The following NFYC variants were observed in gnomAD, a reference collection of about 807,000 sequenced individuals.
NFYC encodes the protein nuclear transcription factor Y subunit gamma, also known as CAAT box DNA-binding protein subunit C.
NFYC carries 25 observed loss-of-function variants against 53.1 expected under a neutral mutation model. That is an observed-to-expected ratio of 0.47 (90% CI 0.34 to 0.66). The LOEUF (loss-of-function observed/expected upper bound fraction) is 0.66, where lower values mean the gene tolerates loss of function less well. Ranked by LOEUF, NFYC falls within the 30% of genes least tolerant of loss-of-function variation. The probability of loss-of-function intolerance (pLI) is 0.01; values close to 1 mark genes in which losing one functional copy is unlikely to be tolerated. For synonymous variants in NFYC, 145 were observed against 152.6 expected (o/e 0.95, Z 0.37); for missense variants, 260 against 422.7 (o/e 0.62, Z 3.38).
intron 5 of NFYC, among the ~76,000 whole-genome samples, chr1:40,753,787 A>G (rs1469600098): frequency 6.6e-6 from 1 of 152,224 alleles, no homozygotes; most frequent in African/African-American, 2.4e-5. Flanking sequence ...GAGCCCAGGC[A>G]TCAGTACCTT....
At chr1:40,734,340 C>CCTTA (rs1194574300) in intron 1 of NFYC, among the ~76,000 whole-genome samples, 1 of 146,560 alleles carries the variant, frequency 6.8e-6, no homozygotes, top group African/African-American at 2.5e-5. Context: ...ACTACGGTTG[C>CCTTA]TTTATTTATT....
intron 1 of NFYC, among the ~76,000 whole-genome samples, chr1:40,728,107 T>G (rs1451851935): frequency 6.6e-6 from 1 of 151,232 alleles, no homozygotes; most frequent in Non-Finnish European, 1.5e-5. Context: ...AGAGATGGGG[T>G]TTCATTATGT....
chr1:40,747,752 T>G, intron 3 of NFYC, 147 bp downstream of exon 3: 1 of 641,024 alleles, frequency 1.6e-6, no homozygotes. Context: ...CTGTGCAAAA[T>G]TGTTAAGTGA....
At chr1:40,727,429 CCCA>C (rs2148520219) in intron 1 of NFYC, among the ~76,000 whole-genome samples, 1 of 152,114 alleles carries the variant, frequency 6.6e-6, no homozygotes, top group East Asian at 1.9e-4. Flanking sequence ...TGCCATGTTG[CCCA>C]GGCTGGTTTT....
At chr1:40,763,108 A>G (rs149019792) in intron 7 of NFYC, 62 bp downstream of exon 7, 48 of 1,365,190 alleles carry the variant, frequency 3.5e-5, no homozygotes, top group Non-Finnish European at 4.4e-5. Context: ...AAAGATATAT[A>G]TACCTTGATA....
At chr1:40,720,659 G>A (rs1339473065) in intron 1 of NFYC, among the ~76,000 whole-genome samples, 1 of 152,128 alleles carries the variant, frequency 6.6e-6, no homozygotes, top group Non-Finnish European at 1.5e-5. Context: ...TTGAGCCCAG[G>A]AGTTTGAGAC....
intron 1 of NFYC, among the ~76,000 whole-genome samples, chr1:40,706,936 G>A (rs1354826248): frequency 6.6e-6 from 1 of 152,102 alleles, no homozygotes; most frequent in African/African-American, 2.4e-5. Flanking sequence ...TTGGGAGACC[G>A]AGGTGGGTAG....
intron 1 of NFYC, chr1:40,723,543 T>G (rs1644400897): frequency 6.6e-6 from 1 of 152,264 alleles, no homozygotes; most frequent in Admixed American, 6.5e-5. Flanking sequence ...GTAACAGTTG[T>G]GTGATCTAGG....
At chr1:40,705,859 T>G (rs1643669587) in intron 1 of NFYC, among the ~76,000 whole-genome samples, 1 of 152,080 alleles carries the variant, frequency 6.6e-6, no homozygotes, top group Non-Finnish European at 1.5e-5. Context: ...GATCCTCTGG[T>G]CTCAGCTTCC....
intron 1 of NFYC, chr1:40,735,770 T>G (rs1238855609): frequency 5.1e-6 from 5 of 984,412 alleles, no homozygotes; most frequent in Non-Finnish European, 6.0e-6. Flanking sequence ...TTTTAAAGCT[T>G]TTTGATAATT....
At chr1:40,698,618 G>A (rs1325229027) in intron 1 of NFYC, among the ~76,000 whole-genome samples, 1 of 151,682 alleles carries the variant, frequency 6.6e-6, no homozygotes, top group Non-Finnish European at 1.5e-5. Context: ...TGTAGAGACA[G>A]GGTCTCATCT....
Position 40,691,792 on chromosome 1 carries a change from C to T in NFYC, c.-84C>T, listed in dbSNP as rs1450346806. 2.2e-6 allele frequency: 1 copy of T among 451,602 alleles called. No individual in the cohort carries two copies. The highest frequency in any genetic ancestry group is 4.4e-6 in the Non-Finnish European group (1 of 224,728). The allele number at this position is 451,602 out of a possible 1,614,324, so 28.0% of individuals were successfully genotyped here. A position where few individuals can be genotyped will look rare whatever the true frequency, so the allele number is the denominator to read the frequency against. On this transcript the variant is annotated 5_prime_UTR_variant, in exon 1 of 10. Coordinates refer to ENST00000447388, the MANE Select transcript of NFYC (RefSeq NM_014223.5). ...GCACACTTCCCCCTCCCCTCCGCCG[C>T]GCCTGGGCCTCTGCATTGCCCGACT... is the stretch of plus-strand genomic sequence containing the variant.
chr1:40,753,289 C>CT, intron 5 of NFYC, 43 bp downstream of exon 5: 12 of 1,328,002 alleles, frequency 9.0e-6, no homozygotes, highest in Non-Finnish European at 1.2e-5. Flanking sequence ...CTGAAGAGCG[C>CT]TTTGTATACT....
intron 4 of NFYC, among the ~76,000 whole-genome samples, chr1:40,749,900 G>A (rs28515731): frequency 0.026 from 3,949 of 152,296 alleles, 61 homozygotes; most frequent in Non-Finnish European, 0.039. Flanking sequence ...CATGGTGATT[G>A]TGTTTCTCCA....
intron 1 of NFYC, among the ~76,000 whole-genome samples, chr1:40,696,213 C>T (rs753301908): frequency 2.2e-4 from 34 of 151,822 alleles, no homozygotes; most frequent in Non-Finnish European, 3.7e-4. Flanking sequence ...TTAGTAGAGA[C>T]GGGGTTTCAC....
At chr1:40,698,262 C>T (rs561528049) in intron 1 of NFYC, among the ~76,000 whole-genome samples, 57 of 151,274 alleles carry the variant, frequency 3.8e-4, no homozygotes, top group Non-Finnish European at 6.8e-4. Flanking sequence ...ACTCAGGAGG[C>T]TGAGGCAGGA....
At chr1:40,753,015 G>A in intron 4 of NFYC, 136 bp from the exon 5 acceptor site, 1 of 620,492 alleles carries the variant, frequency 1.6e-6, no homozygotes. Flanking sequence ...GTTTGGCTGT[G>A]CTTATTTCAG....
intron 1 of NFYC, among the ~76,000 whole-genome samples, chr1:40,696,153 A>T (rs1643131582): frequency 6.6e-6 from 1 of 151,308 alleles, no homozygotes; most frequent in Non-Finnish European, 1.5e-5. Context: ...CCTCCTGAGT[A>T]GCTGGGATTA....
intron 1 of NFYC, among the ~76,000 whole-genome samples, chr1:40,692,558 C>T: frequency 6.6e-6 from 1 of 151,980 alleles, no homozygotes; most frequent in African/African-American, 2.4e-5. Flanking sequence ...CTGAAGTCCA[C>T]GGTGTGAGTG....
Sources: gnomAD v4.1 joint callset for allele counts (sites outside exome capture counted in the v4.1 genomes callset) on GRCh38, gnomAD v4.1.1 for gene constraint, MANE v1.5 for transcripts, NCBI Gene and HGNC (gene_info 2026-07-23, HGNC 2026-07-21) for gene names.